PARG: variants seen among roughly 807,000 people sequenced by gnomAD.
The protein encoded by PARG is poly(ADP-ribose) glycohydrolase, also known as mitochondrial poly(ADP-ribose) glycohydrolase.
PARG carries 35 observed loss-of-function variants against 113.0 expected under a neutral mutation model. That is an observed-to-expected ratio of 0.31 (90% CI 0.24 to 0.41). PARG has a LOEUF of 0.41. PARG is among the 10% of genes least tolerant of loss of function. PARG has a pLI of 1.00. For missense variants in PARG, 797 were observed against 1,169.4 expected (o/e 0.68, Z 4.64); for synonymous variants, 330 against 409.9 (o/e 0.81, Z 2.36).
chr10:49,891,623 A>ATTTTTTT (rs1160158066), intron 7 of PARG, among the ~76,000 whole-genome samples: 1 of 47,428 alleles, frequency 2.1e-5, no homozygotes, highest in African/African-American at 1.0e-4. Context: ...ATATATATAT[A>ATTTTTTT]TTTTTTTTTT....
At chr10:49,876,940 T>TAA (rs544298585) in intron 9 of PARG, among the ~76,000 whole-genome samples, 2 of 145,618 alleles carry the variant, frequency 1.4e-5, no homozygotes, top group Admixed American at 6.9e-5. Flanking sequence ...ATATTATATA[T>TAA]AAAAAAAAAA....
chr10:49,920,466 ATAT>A lies in PARG; in HGVS notation c.1662+1867_1662+1869del, dbSNP rs1564658289. ...AGCCTCAAATTAAAAAAAAAAAAAT[ATAT>A]ATATATATATATATATATATATATA... On this transcript the variant is annotated intron_variant, in intron 6 of 17. Transcript: ENST00000616448. 5.1e-3 allele frequency among the ~76,000 whole-genome samples: 357 copies of A among 70,622 alleles called. 3 individuals carry two copies. Among genetic ancestry groups the A allele is most frequent in the Admixed American group, 7.3e-3 (46 of 6,318 alleles). The allele number at this position is 70,622 out of a possible 152,430, so 46.3% of individuals were successfully genotyped here.
Position 49,922,354 on chromosome 10 carries a change from T to C in PARG, c.1644A>G (p.Thr548=), listed in dbSNP as rs1837925530. ...LIQTALLNKF[T]RPQNLKDAIL... ...AACATACCTTCAAGTTTTGGGGTCG[T>C]GTAAATTTGTTGAGAAGTGCAGTCT... Residue 548 remains threonine (T), a synonymous_variant, in exon 6 of 18, where the codon ACA becomes ACG. Transcript: ENST00000616448. 1.2e-6 allele frequency: 2 copies of C among 1,603,768 alleles called. No homozygotes were observed. The highest frequency in any genetic ancestry group is 1.7e-6 in the Non-Finnish European group (2 of 1,175,860).
In PARG at chr10:49,926,950, G is replaced by A. The variant is rs541725602; in HGVS notation, c.1456-4281C>T. ...TCTCTTGCTACAGACGTCAGTGTCG[G>A]TGTTTGGCTTTACTGCACTGGGTGA... is the stretch of plus-strand genomic sequence containing the variant. On this transcript the variant is annotated intron_variant, in intron 4 of 17. Transcript: ENST00000616448. 2.0e-4 allele frequency among the ~76,000 whole-genome samples: 30 copies of A among 152,108 alleles called. 1 individual carries two copies. The highest frequency in any genetic ancestry group is 5.9e-4 in the Admixed American group (9 of 15,272).
chr10:49,927,124 T>C (rs577102784), intron 4 of PARG, among the ~76,000 whole-genome samples: 199 of 152,074 alleles, frequency 1.3e-3, no homozygotes, highest in African/African-American at 4.5e-3. Flanking sequence ...CTGGCCAACA[T>C]GGTGAAACCT....
intron 16 of PARG, among the ~76,000 whole-genome samples, chr10:49,828,092 CAAA>C (rs71026274): frequency 6.3e-3 from 315 of 50,380 alleles, no homozygotes; most frequent in African/African-American, 0.023. Flanking sequence ...AAAGCTTAAA[CAAA>C]AAAAAAAAAA....
Position 49,933,753 on chromosome 10 carries a change from T to G in PARG, c.695A>C (p.Lys232Thr). The change falls in exon 3 of 18, where the codon AAA becomes ACA. Residue 232 changes from lysine (K) to threonine (T), a missense_variant. Around this residue, in one of 5 missense-constraint regions of PARG, gnomAD observed 284 missense variants for 306.1 expected, o/e 0.93. Coordinates refer to ENST00000616448, the MANE Select transcript of PARG (RefSeq NM_003631.5). Reference sequence around the variant, plus strand: ...AGACTTGCTGCACTTCTGGTGGCTTTTGGCTTCTCTGGCCTGTTCATCTTC... The same window carrying G: ...AGACTTGCTGCACTTCTGGTGGCTTGTGGCTTCTCTGGCCTGTTCATCTTC... ...TTEDEQAREA[K>T]SHQKCSKSCD... 1 of 1,613,416 alleles carries G rather than the reference T, an allele frequency of 6.2e-7. No homozygotes were observed. The highest frequency in any genetic ancestry group is 8.5e-7 in the Non-Finnish European group (1 of 1,179,368).
intron 6 of PARG, among the ~76,000 whole-genome samples, chr10:49,917,772 T>C (rs1837583362): frequency 7.1e-6 from 1 of 141,206 alleles, no homozygotes; most frequent in South Asian, 2.2e-4. Flanking sequence ...GAGCCGAGAT[T>C]GCACCACTGC....
intron 7 of PARG, among the ~76,000 whole-genome samples, chr10:49,893,460 A>G (rs1360096802): frequency 1.3e-5 from 2 of 152,122 alleles, no homozygotes; most frequent in African/African-American, 4.8e-5. Flanking sequence ...TTCTGGATAC[A>G]TGTCCCTTGT....
intron 13 of PARG, among the ~76,000 whole-genome samples, chr10:49,854,616 G>C (rs1845903754): frequency 6.7e-6 from 1 of 148,994 alleles, no homozygotes; most frequent in Non-Finnish European, 1.5e-5. Context: ...TTGACAGGAA[G>C]TGAAGGCTAA....
intron 4 of PARG, among the ~76,000 whole-genome samples, chr10:49,931,076 T>C (rs1297142673): frequency 6.8e-6 from 1 of 146,904 alleles, no homozygotes. Flanking sequence ...TTTAATTATT[T>C]AATATGTTTA....
chr10:49,919,048 C>A (rs1489556413), intron 6 of PARG, among the ~76,000 whole-genome samples: 1 of 152,060 alleles, frequency 6.6e-6, no homozygotes, highest in African/African-American at 2.4e-5. Flanking sequence ...TCAAGCAATT[C>A]TCCTGTCTCA....
At chr10:49,902,948 T>C (rs147631532) in intron 7 of PARG, among the ~76,000 whole-genome samples, 1 of 151,624 alleles carries the variant, frequency 6.6e-6, no homozygotes, top group African/African-American at 2.4e-5. Flanking sequence ...TTCTCCTGCC[T>C]CAGCCTCCAG....
chr10:49,828,092 CAAAAAA>C (rs71026274), intron 16 of PARG, among the ~76,000 whole-genome samples: 1 of 50,410 alleles, frequency 2.0e-5, no homozygotes, highest in African/African-American at 7.9e-5. Context: ...AAAGCTTAAA[CAAAAAA>C]AAAAAAAAAA....
intron 17 of PARG, 38 bp downstream of exon 17, chr10:49,820,127 C>A: frequency 7.0e-7 from 1 of 1,425,326 alleles, no homozygotes; most frequent in Non-Finnish European, 9.7e-7. Context: ...GTGTACAATC[C>A]ATCTAGATAC....
In PARG at chr10:49,910,677, C is replaced by T. The variant is rs548139794; in HGVS notation, c.1737+5240G>A. Among the ~76,000 whole-genome samples the T allele has an allele frequency of 1.4e-4, 22 of 152,212 alleles. No individual in the cohort carries two copies. The East Asian group carries it at 3.7e-3, about 25-fold the overall frequency. Reference sequence around the variant, plus strand: ...TGAAATAGTCACTAAAATCCTTAGGCTTCCTTTCAACAATTAATCCATTTT... The same window carrying T: ...TGAAATAGTCACTAAAATCCTTAGGTTTCCTTTCAACAATTAATCCATTTT... On this transcript the variant is annotated intron_variant, in intron 7 of 17. Coordinates refer to ENST00000616448, the MANE Select transcript of PARG (RefSeq NM_003631.5).
chr10:49,839,330 C>A (rs1170036106), intron 15 of PARG, among the ~76,000 whole-genome samples: 2 of 149,250 alleles, frequency 1.3e-5, no homozygotes, highest in East Asian at 1.9e-4. Context: ...AGTGAAATTC[C>A]GTCTCAAAAA....
Position 49,841,999 on chromosome 10 carries a change from C to T in PARG, c.2492G>A (p.Arg831His), listed in dbSNP as rs1416833904. 2.7e-5 allele frequency: 42 copies of T among 1,550,032 alleles called. No homozygotes were observed. The highest frequency in any genetic ancestry group is 3.5e-5 in the Non-Finnish European group (40 of 1,146,864). ...CTCAGGCACAAACTGATCGAGGTAG[C>T]GTCTGAAGTGAAGAGCATCGATGGC... The part of the protein sequence containing the change: ...IVAIDALHFR[R>H]YLDQFVPEKM... The change falls in exon 15 of 18, where the codon CGC becomes CAC. Residue 831 changes from arginine (R) to histidine (H), a missense_variant. Physicochemically the swap from Arg to His is conservative, Grantham distance 29. This residue lies in a region of PARG where 194 missense variants were observed against 247.1 expected (regional missense o/e 0.79). Coordinates refer to ENST00000616448, the MANE Select transcript of PARG (RefSeq NM_003631.5).
At chr10:49,834,838 C>G (rs146567570) in intron 15 of PARG, among the ~76,000 whole-genome samples, 104 of 152,208 alleles carry the variant, frequency 6.8e-4, no homozygotes, top group Middle Eastern at 3.4e-3. Flanking sequence ...CTCTATCCCC[C>G]ACCCCTGCCA....
Sources: gnomAD v4.1 joint callset for allele counts (sites outside exome capture counted in the v4.1 genomes callset) on GRCh38, gnomAD v4.1.1 for gene constraint, gnomAD v4.1.1 regional missense constraint, MANE v1.5 for transcripts, NCBI Gene and HGNC (gene_info 2026-07-23, HGNC 2026-07-21) for gene names.